Variants in TYW1B observed in about 807,000 individuals in gnomAD.
TYW1B encodes S-adenosyl-L-methionine-dependent tRNA 4-demethylwyosine synthase TYW1B.
TYW1B carries 73 observed loss-of-function variants against 86.9 expected under a neutral mutation model. The ratio of observed to expected loss-of-function variants is 0.84; its 90% confidence interval spans 0.70 to 1.02. The LOEUF (loss-of-function observed/expected upper bound fraction) is 1.02. Among genes scored for constraint, TYW1B ranks in the 50% least tolerant of loss-of-function variants. The pLI is 0.00. For synonymous variants in TYW1B, 248 were observed against 292.8 expected (o/e 0.85, Z 1.56); for missense variants, 637 against 827.4 (o/e 0.77, Z 2.82).
At chr7:72,783,891 C>G (rs1195595116) in intron 6 of TYW1B, among the ~76,000 whole-genome samples, 1 of 152,146 alleles carries the variant, frequency 6.6e-6, no homozygotes, top group Non-Finnish European at 1.5e-5. Flanking sequence ...AGTAAACACT[C>G]CAAAGCCTTA....
intron 10 of TYW1B, chr7:72,698,099 A>C (rs1814366707): frequency 6.5e-6 from 1 of 153,170 alleles, no homozygotes; most frequent in Non-Finnish European, 1.5e-5. Flanking sequence ...TTAAAACCTA[A>C]ATCTCTAAGA....
chr7:72,622,425 T>C (rs1212133164), intron 12 of TYW1B, among the ~76,000 whole-genome samples: 2 of 152,204 alleles, frequency 1.3e-5, no homozygotes, highest in East Asian at 3.8e-4. Context: ...CAAAACAAAC[T>C]TATTAAAGAG....
chr7:72,691,489 T>C (rs782236660), intron 11 of TYW1B, among the ~76,000 whole-genome samples: 3 of 152,228 alleles, frequency 2.0e-5, no homozygotes, highest in African/African-American at 7.2e-5. Context: ...GTGATTACAA[T>C]TGAATTCATC....
chr7:72,806,013 A>G (rs1186297688), intron 5 of TYW1B, among the ~76,000 whole-genome samples: 2 of 152,086 alleles, frequency 1.3e-5, no homozygotes, highest in Non-Finnish European at 2.9e-5. Context: ...AATGTGAGGG[A>G]AAAAGCGGAA....
At chr7:72,755,831 A>G (rs534179677) in intron 7 of TYW1B, among the ~76,000 whole-genome samples, 1 of 152,372 alleles carries the variant, frequency 6.6e-6, no homozygotes, top group East Asian at 1.9e-4. Context: ...AGAAATCTGG[A>G]GAATGTTATT....
intron 6 of TYW1B, among the ~76,000 whole-genome samples, chr7:72,788,260 T>A (rs2129572234): frequency 6.6e-6 from 1 of 152,096 alleles, no homozygotes; most frequent in South Asian, 2.1e-4. Flanking sequence ...ATTACAGGAG[T>A]GAGCCACTGC....
chr7:72,693,170 G>A (rs1337666985), intron 11 of TYW1B, among the ~76,000 whole-genome samples: 3 of 152,088 alleles, frequency 2.0e-5, no homozygotes, highest in East Asian at 1.9e-4. Context: ...AAAAGTGACA[G>A]AAAGGAAGCA....
chr7:72,639,929 T>A (rs1315615532), intron 11 of TYW1B, among the ~76,000 whole-genome samples: 27 of 151,692 alleles, frequency 1.8e-4, no homozygotes, highest in Non-Finnish European at 3.2e-4. Context: ...AAGTAAAATG[T>A]ACAACAAAAA....
At chr7:72,591,386 G>A (rs1324821870) in intron 13 of TYW1B, among the ~76,000 whole-genome samples, 2 of 152,052 alleles carry the variant, frequency 1.3e-5, no homozygotes, top group African/African-American at 4.8e-5. Flanking sequence ...CACACACCAA[G>A]ACACATTATA....
intron 7 of TYW1B, among the ~76,000 whole-genome samples, chr7:72,755,323 T>C (rs571283637): frequency 6.6e-6 from 1 of 151,880 alleles, no homozygotes; most frequent in Non-Finnish European, 1.5e-5. Flanking sequence ...GGAGGCTGAG[T>C]TGGGAGGATC....
chr7:72,781,319 T>A (rs1183624165), intron 6 of TYW1B, among the ~76,000 whole-genome samples: 1 of 152,016 alleles, frequency 6.6e-6, no homozygotes, highest in African/African-American at 2.4e-5. Flanking sequence ...CATGAGCCAA[T>A]CAGATCATGT....
At chr7:72,663,524 C>T (rs1358348994) in intron 11 of TYW1B, among the ~76,000 whole-genome samples, 17 of 151,680 alleles carry the variant, frequency 1.1e-4, no homozygotes, top group Admixed American at 2.0e-4. Context: ...TTTGGGAGGC[C>T]GAAGCGGGCA....
At chr7:72,820,578 A>T (rs1788809877) in intron 2 of TYW1B, among the ~76,000 whole-genome samples, 1 of 152,128 alleles carries the variant, frequency 6.6e-6, no homozygotes, top group African/African-American at 2.4e-5. Context: ...AGTGAAAGGG[A>T]GCTGGCGAGC....
intron 13 of TYW1B, among the ~76,000 whole-genome samples, chr7:72,610,318 A>G (rs1288689835): frequency 9.2e-5 from 14 of 152,052 alleles, no homozygotes; most frequent in Middle Eastern, 3.2e-3. Context: ...TTCGATATCT[A>G]TATCTTTGCT....
chr7:72,720,106 A>T (rs1411932212), intron 9 of TYW1B, among the ~76,000 whole-genome samples: 2 of 152,124 alleles, frequency 1.3e-5, no homozygotes, highest in African/African-American at 4.8e-5. Flanking sequence ...TGGCAAAGTC[A>T]ATCAGCTGGC....
chr7:72,659,130 G>C lies in TYW1B; in HGVS notation c.1507-30133C>G, dbSNP rs369218384. ...TCATCTAGCAACTGTGAAGGCTGGG[G>C]CTAAATGTGACAAGAACAGAAAAAT... is the stretch of plus-strand genomic sequence containing the variant. On this transcript the variant is annotated intron_variant, in intron 11 of 13. Transcript: ENST00000620995. Among the ~76,000 whole-genome samples the C allele has an allele frequency of 4.8e-4, 73 of 152,330 alleles. 1 individual carries two copies. The highest frequency in any genetic ancestry group is 1.7e-3 in the African/African-American group (71 of 41,574).
At chr7:72,594,597 A>C (rs1259146452) in intron 13 of TYW1B, among the ~76,000 whole-genome samples, 4 of 152,166 alleles carry the variant, frequency 2.6e-5, no homozygotes, top group African/African-American at 9.7e-5. Context: ...ACTAACACCA[A>C]TCTTTCTCAA....
At chr7:72,746,817 A>G (rs1554463901) in intron 7 of TYW1B, among the ~76,000 whole-genome samples, 1 of 152,196 alleles carries the variant, frequency 6.6e-6, no homozygotes, top group African/African-American at 2.4e-5. Context: ...CAAATCCAAT[A>G]CTGAAGGACT....
At chr7:72,662,400 AT>A (rs1160870278) in intron 11 of TYW1B, among the ~76,000 whole-genome samples, 1 of 151,328 alleles carries the variant, frequency 6.6e-6, no homozygotes, top group Non-Finnish European at 1.5e-5. Context: ...ATGATGATAT[AT>A]CCCTTCAGGT....
Sources: gnomAD v4.1 joint callset for allele counts (sites outside exome capture counted in the v4.1 genomes callset) on GRCh38, gnomAD v4.1.1 for gene constraint, MANE v1.5 for transcripts, NCBI Gene and HGNC (gene_info 2026-07-23, HGNC 2026-07-21) for gene names.